RBM26: variants seen among roughly 807,000 people sequenced by gnomAD.
The protein encoded by RBM26 is RNA-binding protein 26.
A neutral mutation model predicts 123.6 loss-of-function variants in RBM26; 30 were observed. The observed-to-expected ratio is 0.24, with a 90% CI of 0.18 to 0.33. The LOEUF is 0.33. RBM26 is among the 10% of genes least tolerant of loss of function. The pLI is 1.00. For synonymous variants in RBM26, 400 were observed against 404.4 expected, an observed-to-expected ratio of 0.99 and a Z score of 0.13; for missense variants, 947 against 1,203.6, an observed-to-expected ratio of 0.79 and a Z score of 3.15.
At chr13:79,390,772 T>C (rs2077899252) in intron 1 of RBM26, among the ~76,000 whole-genome samples, 1 of 152,174 alleles carries the variant, frequency 6.6e-6, no homozygotes, top group African/African-American at 2.4e-5. Flanking sequence ...TCAACTTTTC[T>C]GTATATTCAA....
intron 20 of RBM26, among the ~76,000 whole-genome samples, chr13:79,329,720 A>G (rs943708187): frequency 3.3e-5 from 5 of 152,154 alleles, no homozygotes; most frequent in African/African-American, 1.2e-4. Flanking sequence ...CAATCAAGCT[A>G]TATCAAAATA....
chr13:79,354,645 C>A lies in RBM26; in HGVS notation c.1855-75G>T, dbSNP rs2073748787. 2.3e-6 allele frequency: 3 copies of A among 1,316,568 alleles called. No individual in the cohort carries two copies. In the East Asian group the frequency reaches 7.8e-5, roughly 34 times the overall value. 81.6% of individuals were successfully genotyped at this position (1,316,568 alleles called of 1,614,324 possible). A position where few individuals can be genotyped will look rare whatever the true frequency, so the allele number is the denominator to read the frequency against. ...GAAAGTGACCTGTGTTATTTTGTTA[C>A]TACATTGCCCATGCAGAGAAAGTTT... On this transcript the variant is annotated intron_variant, in intron 12 of 21. Transcript: ENST00000438737.
chr13:79,344,005 T>C (rs1020863130), intron 16 of RBM26, among the ~76,000 whole-genome samples: 4 of 151,992 alleles, frequency 2.6e-5, no homozygotes, highest in African/African-American at 9.7e-5. Flanking sequence ...TTGAAAAAAC[T>C]ACTGTGCAGC....
intron 1 of RBM26, among the ~76,000 whole-genome samples, chr13:79,392,498 A>T (rs1366608004): frequency 6.8e-6 from 1 of 146,644 alleles, no homozygotes; most frequent in African/African-American, 2.5e-5. Context: ...AATCACATAT[A>T]TTCTAATATA....
chr13:79,354,318 A>G, intron 13 of RBM26, 121 bp downstream of exon 13: 2 of 855,002 alleles, frequency 2.3e-6, no homozygotes, highest in Non-Finnish European at 3.2e-6. Context: ...TGGGGTTCAA[A>G]TATGTAAAGA....
intron 3 of RBM26, among the ~76,000 whole-genome samples, chr13:79,375,211 C>G (rs1188616269): frequency 9.4e-6 from 1 of 105,996 alleles, no homozygotes; most frequent in Non-Finnish European, 1.9e-5. Context: ...TAGCTCTTGT[C>G]ACACAGGCTG....
chr13:79,362,186 T>A (rs2074773569), intron 9 of RBM26, among the ~76,000 whole-genome samples: 1 of 152,158 alleles, frequency 6.6e-6, no homozygotes, highest in African/African-American at 2.4e-5. Context: ...ACTAAATTTA[T>A]CTTTCTGTCA....
At chr13:79,360,033 T>C (rs1359559456) in intron 9 of RBM26, among the ~76,000 whole-genome samples, 1 of 152,082 alleles carries the variant, frequency 6.6e-6, no homozygotes, top group African/African-American at 2.4e-5. Context: ...AGGCATTTTA[T>C]CATCCCCTAT....
At chr13:79,376,122 T>G (rs1000563580) in intron 3 of RBM26, 9 of 152,134 alleles carry the variant, frequency 5.9e-5, no homozygotes, top group Non-Finnish European at 1.0e-4. Flanking sequence ...AACCAAGATA[T>G]GTGTGACCTA....
chr13:79,351,606 G>T (rs1038437589), intron 14 of RBM26, among the ~76,000 whole-genome samples: 5 of 40,924 alleles, frequency 1.2e-4, no homozygotes, highest in South Asian at 7.7e-4. Flanking sequence ...TGGGGCGGCG[G>T]GGGGGGAAAT....
intron 14 of RBM26, among the ~76,000 whole-genome samples, chr13:79,351,441 T>C (rs2073199681): frequency 6.6e-6 from 1 of 152,112 alleles, no homozygotes; most frequent in South Asian, 2.1e-4. Context: ...AGGATAAACC[T>C]AATCCAAGTA....
At chr13:79,349,973 A>T (rs562392351) in intron 14 of RBM26, among the ~76,000 whole-genome samples, 1 of 152,244 alleles carries the variant, frequency 6.6e-6, no homozygotes, top group Non-Finnish European at 1.5e-5. Context: ...TGGGATTACA[A>T]GCGTGAGCCA....
chr13:79,324,089 A>C (rs1275401658), intron 20 of RBM26, among the ~76,000 whole-genome samples: 1 of 151,722 alleles, frequency 6.6e-6, no homozygotes, highest in Non-Finnish European at 1.5e-5. Context: ...AAAGATTCAA[A>C]ATTTCAGGCC....
Position 79,319,187 on chromosome 13 carries a change from G to A in RBM26, c.*1434C>T. The A allele has an allele frequency of 1.0e-6, 1 of 984,554 alleles. No individual in the cohort carries two copies. The allele number at this position is 984,554 out of a possible 1,614,324, so 61.0% of individuals were successfully genotyped here. ...ACAGCATCCTTAAGTTACTCCACTG[G>A]CAGAAGACTATGGTGGTGGTGGAAC... On this transcript the variant is annotated 3_prime_UTR_variant, in exon 22 of 22. Transcript: ENST00000438737.
chr13:79,345,050 CAAAAAG>C (rs1268750950), intron 14 of RBM26, among the ~76,000 whole-genome samples: 2 of 151,840 alleles, frequency 1.3e-5, no homozygotes, highest in Non-Finnish European at 2.9e-5. Flanking sequence ...ATGAAAATGT[CAAAAAG>C]AAAAACATTA....
At chr13:79,362,294 C>A (rs1460622290) in intron 9 of RBM26, among the ~76,000 whole-genome samples, 1 of 152,146 alleles carries the variant, frequency 6.6e-6, no homozygotes, top group Non-Finnish European at 1.5e-5. Flanking sequence ...CTATTCTAAG[C>A]CTCCAAATTA....
At chr13:79,315,501 G>A (rs963201965), downstream of RBM26, among the ~76,000 whole-genome samples, 6 of 151,538 alleles carry the variant, frequency 4.0e-5, no homozygotes, top group African/African-American at 1.2e-4. Context: ...TAAGCACAAA[G>A]GCCCACAGTA....
At chr13:79,387,746 T>C (rs1041717514) in intron 1 of RBM26, among the ~76,000 whole-genome samples, 3 of 152,340 alleles carry the variant, frequency 2.0e-5, no homozygotes, top group East Asian at 3.9e-4. Flanking sequence ...TTTTTCTTTA[T>C]GTCTTTCTAA....
At chr13:79,380,306 T>G (rs1056844535) in intron 1 of RBM26, among the ~76,000 whole-genome samples, 1 of 152,102 alleles carries the variant, frequency 6.6e-6, no homozygotes, top group African/African-American at 2.4e-5. Context: ...TAAAGAAATC[T>G]TCATATCAAT....
Sources: gnomAD v4.1 joint callset for allele counts (sites outside exome capture counted in the v4.1 genomes callset) on GRCh38, gnomAD v4.1.1 for gene constraint, MANE v1.5 for transcripts, NCBI Gene and HGNC (gene_info 2026-07-23, HGNC 2026-07-21) for gene names.